The following PTPRS variants were observed in gnomAD, a reference collection of about 807,000 sequenced individuals.
PTPRS encodes the protein receptor-type tyrosine-protein phosphatase S.
PTPRS carries 63 observed loss-of-function variants against 215.3 expected under a neutral mutation model. The ratio of observed to expected loss-of-function variants is 0.29; its 90% CI spans 0.24 to 0.36. The LOEUF is 0.36. PTPRS is among the 10% of genes least tolerant of loss of function. The probability of loss-of-function intolerance (pLI) is 1.00; values close to 1 mark genes in which losing one functional copy is unlikely to be tolerated. For synonymous variants in PTPRS, 1,404 were observed against 1,191.4 expected, an observed-to-expected ratio of 1.18 and a Z score of -3.68; for missense variants, 2,258 against 2,825.8, an observed-to-expected ratio of 0.80 and a Z score of 4.56.
At chr19:5,259,100 T>G (rs985104600) in intron 7 of PTPRS, among the ~76,000 whole-genome samples, 2 of 152,174 alleles carry the variant, frequency 1.3e-5, no homozygotes, top group Non-Finnish European at 2.9e-5. Flanking sequence ...ACAAGTAAAG[T>G]TGAGGCTAAA....
At chr19:5,242,319 TA>T (rs1800402303) in intron 11 of PTPRS, among the ~76,000 whole-genome samples, 1 of 152,226 alleles carries the variant, frequency 6.6e-6, no homozygotes, top group African/African-American at 2.4e-5. Context: ...ATCTTAGCCC[TA>T]TGGGCTTGTC....
chr19:5,236,105 C>T (rs1258643625), intron 13 of PTPRS, among the ~76,000 whole-genome samples: 6 of 152,224 alleles, frequency 3.9e-5, no homozygotes, highest in Non-Finnish European at 7.3e-5. Context: ...CCCGCGTCAA[C>T]GGTGGGGAAA....
chr19:5,303,945 T>C (rs8105936), intron 1 of PTPRS, among the ~76,000 whole-genome samples: 58,946 of 136,698 alleles, frequency 0.43, 14,534 homozygotes, highest in African/African-American at 0.63. Context: ...AGCGAGACTC[T>C]GTCTCAAAAA....
intron 16 of PTPRS, among the ~76,000 whole-genome samples, chr19:5,228,677 G>A (rs947306103): frequency 1.3e-5 from 2 of 152,148 alleles, no homozygotes; most frequent in Non-Finnish European, 2.9e-5. Context: ...TCAGACCTGG[G>A]GTTCTCAGCA....
chr19:5,261,451 G>A (rs1475667559), intron 6 of PTPRS, among the ~76,000 whole-genome samples: 1 of 152,146 alleles, frequency 6.6e-6, no homozygotes, highest in Non-Finnish European at 1.5e-5. Flanking sequence ...TCTGGGCCTT[G>A]GAGGCAGGGA....
At chr19:5,319,315 G>C (rs1005091239) in intron 1 of PTPRS, among the ~76,000 whole-genome samples, 1 of 152,090 alleles carries the variant, frequency 6.6e-6, no homozygotes, top group African/African-American at 2.4e-5. Context: ...GGAGGCTGAG[G>C]TAGAAGGATC....
intron 4 of PTPRS, among the ~76,000 whole-genome samples, chr19:5,267,449 G>A (rs537436036): frequency 1.2e-3 from 182 of 152,216 alleles, no homozygotes; most frequent in African/African-American, 4.3e-3. Flanking sequence ...CTGAGGTCAG[G>A]AGTTCGAGAC....
At chr19:5,320,434 T>C (rs1195758359) in intron 1 of PTPRS, among the ~76,000 whole-genome samples, 3 of 152,138 alleles carry the variant, frequency 2.0e-5, no homozygotes, top group Non-Finnish European at 4.4e-5. Context: ...TAAATGGATT[T>C]TTTCTTTTTT....
At chr19:5,298,794 C>A (rs1295235715) in intron 1 of PTPRS, among the ~76,000 whole-genome samples, 1 of 152,218 alleles carries the variant, frequency 6.6e-6, no homozygotes, top group Non-Finnish European at 1.5e-5. Context: ...ATGTGTGACA[C>A]CTTCAGGCAT....
Position 5,282,428 on chromosome 19 carries a change from C to T in PTPRS, c.91+3622G>A, listed in dbSNP as rs572320463. On this transcript the variant is annotated intron_variant, in intron 2 of 37. Coordinates refer to ENST00000262963, the MANE Select transcript of PTPRS (RefSeq NM_002850.4). ...GGACACCTCTGGGGCTTGAGGGCGC[C>T]GCGCCTGCAGCTCGAGAGGCACAAA... is the stretch of plus-strand genomic sequence containing the variant. Among the ~76,000 whole-genome samples the T allele has an allele frequency of 4.6e-5, 7 of 152,236 alleles. No homozygotes were observed. The South Asian group carries it at 1.0e-3, about 23-fold the overall frequency.
intron 1 of PTPRS, among the ~76,000 whole-genome samples, chr19:5,333,031 C>T (rs2050377098): frequency 6.6e-6 from 1 of 151,812 alleles, no homozygotes; most frequent in Non-Finnish European, 1.5e-5. Context: ...TGCCTGTAAT[C>T]CCAGCTACTC....
intron 1 of PTPRS, among the ~76,000 whole-genome samples, chr19:5,303,752 C>A (rs1047459489): frequency 2.6e-5 from 4 of 151,918 alleles, no homozygotes; most frequent in Non-Finnish European, 1.5e-5. Context: ...TAGTTCAAGA[C>A]CAGCCTGGCC....
rs71170899 is a variant in PTPRS at position 5,228,347 on chromosome 19, G to GAAAAAAAAAAAAAAAAAAAAAAAA, written c.2376+968_2376+969insTTTTTTTTTTTTTTTTTTTTTTTT. Among the ~76,000 whole-genome samples, 51 of 105,878 alleles carry GAAAAAAAAAAAAAAAAAAAAAAAA rather than the reference G, an allele frequency of 4.8e-4. 1 individual carries two copies. Among genetic ancestry groups the GAAAAAAAAAAAAAAAAAAAAAAAA allele is most frequent in the African/African-American group, 2.1e-3 (49 of 23,358 alleles). The allele number at this position is 105,878 out of a possible 152,430, so 69.5% of individuals were successfully genotyped here. A position where few individuals can be genotyped will look rare whatever the true frequency, so the allele number is the denominator to read the frequency against. Reference sequence around the variant, plus strand: ...GCGATAGTGTGAGACTCCGTCTGGAGAAAAAAAAAAAAAAAAGAGACAGGG... The same window carrying GAAAAAAAAAAAAAAAAAAAAAAAA: ...GCGATAGTGTGAGACTCCGTCTGGAGAAAAAAAAAAAAAAAAAAAAAAAAAAAAAAAAAAAAAAAAGAGACAGGG... On this transcript the variant is annotated intron_variant, in intron 16 of 37. Transcript: ENST00000262963.
rs2046314074 is a variant in PTPRS, at chr19:5,265,215, G to A, written c.380-19C>T. The A allele has an allele frequency of 6.2e-7, 1 of 1,606,590 alleles. No individual in the cohort carries two copies. On this transcript the variant is annotated intron_variant, in intron 4 of 37. Transcript: ENST00000262963. ...TGGTCCTCTGAGGGCAGAGACGTGA[G>A]AGAAATGGGCATGGTTCTGAGCACT...
At chr19:5,267,719 G>T (rs878872823) in intron 4 of PTPRS, among the ~76,000 whole-genome samples, 1 of 50,934 alleles carries the variant, frequency 2.0e-5, no homozygotes, top group Non-Finnish European at 4.2e-5. Context: ...GTGCCCCCCC[G>T]CCCCCCCAAC....
At position 5,221,023 on chromosome 19, in the gene PTPRS, G is replaced by T. The variant is rs781606722; in HGVS notation, c.3432C>A (p.Asp1144Glu). 6.2e-7 allele frequency: 1 copy of T among 1,611,968 alleles called. No individual in the cohort carries two copies. Among genetic ancestry groups the T allele is most frequent in the Admixed American group, 1.7e-5 (1 of 59,920 alleles). Residue 1144 changes from aspartate to glutamate, a missense_variant, in exon 20 of 38, where the codon GAC (aspartate) becomes GAA (glutamate). Physicochemically the swap from Asp to Glu is conservative, Grantham distance 45. Around this residue, in one of 6 missense-constraint regions of PTPRS, gnomAD observed 927 missense variants for 1,125.9 expected, o/e 0.82. Coordinates refer to ENST00000262963, the MANE Select transcript of PTPRS (RefSeq NM_002850.4). ...ADGFIMVYLP[D>E]GQSPVPVQSY... ...ACTGGACAGGCACGGGGCTCTGGCC[G>T]TCAGGAAGATACACCATGATGAAGC...
In PTPRS at chr19:5,222,889, G is replaced by A. The variant is rs747443047; in HGVS notation, c.2903C>T (p.Ala968Val). The A allele has an allele frequency of 6.4e-7, 1 of 1,574,768 alleles. No homozygotes were observed. The highest frequency in any genetic ancestry group is 8.6e-7 in the Non-Finnish European group (1 of 1,166,996). Residue 968 changes from alanine (A) to valine (V), a missense_variant, in exon 18 of 38, where the codon GCC becomes GTC. Transcript: ENST00000262963. ...RNGAIVKYTVAVREAGALGPA... is the reference protein window; with the variant it reads ...RNGAIVKYTVVVREAGALGPA... Reference sequence around the variant, plus strand: ...GCCCAGGGCACCGGCCTCCCGCACGGCCACCGTGTATTTGACGATGGCCCC... The same window carrying A: ...GCCCAGGGCACCGGCCTCCCGCACGACCACCGTGTATTTGACGATGGCCCC...
intron 6 of PTPRS, among the ~76,000 whole-genome samples, chr19:5,261,916 C>T (rs1045441955): frequency 2.6e-5 from 4 of 152,172 alleles, no homozygotes; most frequent in African/African-American, 7.2e-5. Flanking sequence ...TCCGAGTCAG[C>T]GGAAATCCAG....
rs919758647 is a variant in PTPRS at position 5,338,581 on chromosome 19, G to C, written c.-95+2083C>G. On this transcript the variant is annotated intron_variant, in intron 1 of 37. Transcript: ENST00000262963. The surrounding 1 kb of genome is among the most constrained non-coding windows in gnomAD (Gnocchi z 4.2). ...CAAGCTGGGGGGCTGTGGGATTTGA[G>C]GGCGGGAAGCAGCCGCCCCCAGCCC... Among the ~76,000 whole-genome samples the C allele has an allele frequency of 2.6e-5, 4 of 152,146 alleles. No homozygotes were observed. Among genetic ancestry groups the C allele is most frequent in the Non-Finnish European group, 5.9e-5 (4 of 68,014 alleles).
Sources: gnomAD v4.1 joint callset for allele counts (sites outside exome capture counted in the v4.1 genomes callset) on GRCh38, gnomAD v4.1.1 for gene constraint, gnomAD v4.1.1 regional missense constraint, Gnocchi (gnomAD v3.1) non-coding constraint, MANE v1.5 for transcripts, NCBI Gene and HGNC (gene_info 2026-07-23, HGNC 2026-07-21) for gene names.